The following SYCE1L variants were observed in gnomAD, a reference collection of about 807,000 sequenced individuals.
SYCE1L encodes synaptonemal complex central element protein 1-like.
SYCE1L carries 51 observed loss-of-function variants against 39.6 expected under a neutral mutation model. That is an observed-to-expected ratio of 1.29 (90% confidence interval 1.03 to 1.63). The LOEUF is 1.63. Among genes scored for constraint, SYCE1L ranks in the 40% most tolerant of loss-of-function variants. SYCE1L has a pLI of 0.00. For synonymous variants in SYCE1L, 147 were observed against 122.4 expected, an observed-to-expected ratio of 1.20 and a Z score of -1.33; for missense variants, 426 against 304.9, an observed-to-expected ratio of 1.40 and a Z score of -2.96.
At position 77,199,412 on chromosome 16, in the gene SYCE1L, G is replaced by A; in HGVS notation, c.-40G>A. 6.5e-7 allele frequency: 1 copy of A among 1,548,080 alleles called. No homozygotes were observed. The highest frequency in any genetic ancestry group is 8.7e-7 in the Non-Finnish European group (1 of 1,144,584). On this transcript the variant is annotated 5_prime_UTR_variant, in exon 1 of 11. Coordinates refer to ENST00000378644, the MANE Select transcript of SYCE1L (RefSeq NM_001129979.3). ...CCTCACGTGGTTTCTTTTTTAACCA[G>A]TCATCAAGCGAGGCTCGCGCGCAGG...
chr16:77,206,512 CTT>C lies in SYCE1L; in HGVS notation c.121+14_121+15del, dbSNP rs1567425844. 11 of 1,551,568 alleles carry C rather than the reference CTT, an allele frequency of 7.1e-6. No individual in the cohort carries two copies. The highest frequency in any genetic ancestry group is 9.6e-6 in the Non-Finnish European group (11 of 1,146,956). ...AAAGCTGCAGAAAGGTCATGTGTCT[CTT>C]TGTTTCTGAGCCTCAGCCTGGGGTT... On this transcript the variant is annotated intron_variant, in intron 2 of 10. Coordinates refer to ENST00000378644, the MANE Select transcript of SYCE1L (RefSeq NM_001129979.3).
Position 77,208,210 on chromosome 16 carries a change from A to T in SYCE1L, c.122A>T (p.Glu41Val). ...LLAMVIKLQK[E>V]GSLEPQIEDL... ...ACTCTTTCTTCCTTTCTTTCTTCAG[A>T]GGGAAGCCTGGAGCCACAGATAGAG... The change falls in exon 3 of 11, where the codon GAG (glutamate) becomes GTG (valine). Residue 41 changes from glutamate (E) to valine (V), a missense_variant and splice_region_variant. Coordinates refer to ENST00000378644, the MANE Select transcript of SYCE1L (RefSeq NM_001129979.3). 1 of 1,551,346 alleles carries T rather than the reference A, an allele frequency of 6.4e-7. No individual in the cohort carries two copies. The highest frequency in any genetic ancestry group is 1.2e-5 in the South Asian group (1 of 84,032).
intron 2 of SYCE1L, 88 bp from the exon 3 acceptor site, chr16:77,208,122 T>C (rs930570911): frequency 1.5e-6 from 2 of 1,306,308 alleles, no homozygotes; most frequent in South Asian, 1.4e-5. Flanking sequence ...GGTTAATTGA[T>C]AGCAGCAGAC....
intron 3 of SYCE1L, 46 bp from the exon 4 acceptor site, chr16:77,208,419 G>C (rs779966429): frequency 7.7e-6 from 12 of 1,550,628 alleles, no homozygotes; most frequent in Non-Finnish European, 8.7e-6. Flanking sequence ...GAACAGCAAG[G>C]CTAGAGACTA....
At chr16:77,208,118 T>C (rs774731660) in intron 2 of SYCE1L, 92 bp from the exon 3 acceptor site, 12 of 1,290,514 alleles carry the variant, frequency 9.3e-6, no homozygotes, top group Admixed American at 2.4e-5. Flanking sequence ...TGCCGGTTAA[T>C]TGATAGCAGC....
intron 1 of SYCE1L, chr16:77,200,291 T>TATATACACACAC: frequency 9.0e-6 from 1 of 111,428 alleles, no homozygotes; most frequent in African/African-American, 3.4e-5. Context: ...TATATATATA[T>TATATACACACAC]ACACACACTA....
Position 77,200,291 on chromosome 16 carries a change from T to TATATATATATACATATATATATATATAC in SYCE1L, c.61+780_61+781insTATATATATACATATATATATATATACA. On this transcript the variant is annotated intron_variant, in intron 1 of 10. Coordinates refer to ENST00000378644, the MANE Select transcript of SYCE1L (RefSeq NM_001129979.3). ...ATATATGTGTATATATATATATATATACACACACTAATCAGCCGGGCGCGG... is the reference window on the plus strand; with the variant it reads ...ATATATGTGTATATATATATATATATATATATATATACATATATATATATATACACACACACTAATCAGCCGGGCGCGG... 76 of 111,414 alleles carry TATATATATATACATATATATATATATAC rather than the reference T, an allele frequency of 6.8e-4. 2 individuals carry two copies. The highest frequency in any genetic ancestry group is 4.4e-4 in the Admixed American group (5 of 11,452). The allele number at this position is 111,414 out of a possible 1,614,324, so 6.9% of individuals were successfully genotyped here. A position where few individuals can be genotyped will look rare whatever the true frequency, so the allele number is the denominator to read the frequency against.
Position 77,199,616 on chromosome 16 carries a change from T to A in SYCE1L, c.61+104T>A, listed in dbSNP as rs572639117. The A allele has an allele frequency of 1.3e-4, 131 of 997,706 alleles. 2 individuals carry two copies. In the South Asian group the frequency reaches 1.7e-3, roughly 13 times the overall value. 61.8% of individuals were successfully genotyped at this position (997,706 alleles called of 1,614,324 possible). ...TGAAATAATGATATTCTAATTTTTTTAAATAAAATGTTAAGCCTTTTGTTA... is the reference window on the plus strand; with the variant it reads ...TGAAATAATGATATTCTAATTTTTTAAAATAAAATGTTAAGCCTTTTGTTA... On this transcript the variant is annotated intron_variant, in intron 1 of 10. Transcript: ENST00000378644.
At chr16:77,202,764 G>A (rs1296412902) in intron 1 of SYCE1L, among the ~76,000 whole-genome samples, 2 of 152,142 alleles carry the variant, frequency 1.3e-5, no homozygotes, top group African/African-American at 4.8e-5. Context: ...GAAGCCGGGG[G>A]CTTGCTTAAA....
At chr16:77,208,394 G>A (rs1274032048) in intron 3 of SYCE1L, 71 bp from the exon 4 acceptor site, 1 of 1,545,524 alleles carries the variant, frequency 6.5e-7, no homozygotes, top group Non-Finnish European at 8.8e-7. Context: ...ACTGTGCAAT[G>A]TCATATTTGC....
At chr16:77,205,548 A>G (rs1256124173) in intron 1 of SYCE1L, among the ~76,000 whole-genome samples, 1 of 151,676 alleles carries the variant, frequency 6.6e-6, no homozygotes, top group African/African-American at 2.4e-5. Flanking sequence ...AGTCTTTTTT[A>G]ATCTGTAGGA....
chr16:77,200,883 G>GC (rs1452940628), intron 1 of SYCE1L: 1 of 151,664 alleles, frequency 6.6e-6, no homozygotes. Context: ...TTTAAACAAA[G>GC]CCCATGTGTA....
At chr16:77,210,669 C>T (rs989290304) in intron 6 of SYCE1L, among the ~76,000 whole-genome samples, 1 of 152,038 alleles carries the variant, frequency 6.6e-6, no homozygotes, top group Non-Finnish European at 1.5e-5. Flanking sequence ...TCTGTGGTGC[C>T]AAATTACCAC....
At chr16:77,211,767 A>G (rs1353966797) in intron 7 of SYCE1L, among the ~76,000 whole-genome samples, 1 of 152,180 alleles carries the variant, frequency 6.6e-6, no homozygotes, top group Non-Finnish European at 1.5e-5. Context: ...GCCTCTAAGC[A>G]AGTGACATCT....
chr16:77,203,078 T>C (rs1184455725), intron 1 of SYCE1L, among the ~76,000 whole-genome samples: 2 of 152,182 alleles, frequency 1.3e-5, no homozygotes, highest in East Asian at 3.8e-4. Context: ...GCAGTGAGAT[T>C]TAGGATTAAG....
In SYCE1L at chr16:77,206,728, C is replaced by A. The variant is rs368765444; in HGVS notation, c.121+228C>A. Among the ~76,000 whole-genome samples, 6 of 152,214 alleles carry A rather than the reference C, an allele frequency of 3.9e-5. No homozygotes were observed. The East Asian group carries it at 7.7e-4, about 20-fold the overall frequency. On this transcript the variant is annotated intron_variant, in intron 2 of 10. Coordinates refer to ENST00000378644, the MANE Select transcript of SYCE1L (RefSeq NM_001129979.3). ...CCCCGCCATCCCTACTCCCTCCCCC[C>A]ACACACCAGTCATCTATTTCCCTGA...
chr16:77,212,164 C>T lies in SYCE1L; in HGVS notation c.458C>T (p.Ala153Val), dbSNP rs2054827577. The T allele has an allele frequency of 1.3e-6, 2 of 1,549,188 alleles. No homozygotes were observed. The highest frequency in any genetic ancestry group is 1.4e-5 in the African/African-American group (1 of 72,982). ...LEQRLAREIR[A>V]LERSKEQLLS... Reference sequence around the variant, plus strand: ...CAGCGACTGGCCCGGGAGATCCGTGCCCTGGAGAGAAGCAAGGAGCAGCTG... The same window carrying T: ...CAGCGACTGGCCCGGGAGATCCGTGTCCTGGAGAGAAGCAAGGAGCAGCTG... Residue 153 changes from alanine to valine, a missense_variant, in exon 8 of 11, where the codon GCC (alanine) becomes GTC (valine). Physicochemically the swap from Ala to Val is moderately conservative, Grantham distance 64. Transcript: ENST00000378644.
At chr16:77,207,053 T>C (rs2054790410) in intron 2 of SYCE1L, among the ~76,000 whole-genome samples, 1 of 152,154 alleles carries the variant, frequency 6.6e-6, no homozygotes, top group African/African-American at 2.4e-5. Context: ...TCCCATTCTG[T>C]GGCTGCCTGC....
At position 77,208,482 on chromosome 16, in the gene SYCE1L, G is replaced by A; in HGVS notation, c.199G>A (p.Glu67Lys). 1 of 1,551,708 alleles carries A rather than the reference G, an allele frequency of 6.4e-7. No individual in the cohort carries two copies. Residue 67 changes from glutamate to lysine, a missense_variant, in exon 4 of 11, where the codon GAG becomes AAG. By Grantham distance (56) the Glu-to-Lys change is moderately conservative (BLOSUM62 1). Transcript: ENST00000378644. ...TGGCCCAGCAAAGAAGAAATCCAGT[G>A]AGGAACTGAGAGAGACCCACAGTCT... is the stretch of plus-strand genomic sequence containing the variant. ...DLQQAKKKSSEELRETHSLWE... is the reference protein window; with the variant it reads ...DLQQAKKKSSKELRETHSLWE...
Sources: gnomAD v4.1 joint callset for allele counts (sites outside exome capture counted in the v4.1 genomes callset) on GRCh38, gnomAD v4.1.1 for gene constraint, MANE v1.5 for transcripts, NCBI Gene and HGNC (gene_info 2026-07-23, HGNC 2026-07-21) for gene names.